The following ALOX5AP variants were observed in gnomAD, a reference collection of about 807,000 sequenced individuals.
ALOX5AP encodes the protein arachidonate 5-lipoxygenase-activating protein.
A neutral mutation model predicts 18.5 loss-of-function variants in ALOX5AP; 9 were observed. The ratio of observed to expected loss-of-function variants is 0.49; its 90% confidence interval spans 0.29 to 0.85. The LOEUF (loss-of-function observed/expected upper bound fraction) is 0.85. Among genes scored for constraint, ALOX5AP ranks in the 40% least tolerant of loss-of-function variants. The probability of loss-of-function intolerance (pLI) is 0.08; values close to 1 mark genes in which losing one functional copy is unlikely to be tolerated. For missense variants in ALOX5AP, 172 were observed against 202.5 expected, an observed-to-expected ratio of 0.85 and a Z score of 0.91; for synonymous variants, 81 against 78.6, an observed-to-expected ratio of 1.03 and a Z score of -0.16.
chr13:30,717,135 TC>T (rs1484565034), intron 1 of ALOX5AP, among the ~76,000 whole-genome samples: 1 of 152,030 alleles, frequency 6.6e-6, no homozygotes, highest in African/African-American at 2.4e-5. Flanking sequence ...TGACCCAATG[TC>T]CCCGGGCAAA....
upstream of ALOX5AP, among the ~76,000 whole-genome samples, chr13:30,732,122 C>T (rs1593431623): frequency 6.6e-6 from 1 of 152,250 alleles, no homozygotes; most frequent in African/African-American, 2.4e-5. Flanking sequence ...GGCCTCTGCA[C>T]GTGCTCTGCG....
intron 4 of ALOX5AP, among the ~76,000 whole-genome samples, chr13:30,759,283 G>C (rs897365589): frequency 6.6e-6 from 1 of 152,144 alleles, no homozygotes; most frequent in Non-Finnish European, 1.5e-5. Context: ...CCTGTCCTCT[G>C]TTGGGGCTCC....
At chr13:30,738,554 C>G (rs986951663) in intron 1 of ALOX5AP, among the ~76,000 whole-genome samples, 5 of 152,226 alleles carry the variant, frequency 3.3e-5, no homozygotes, top group African/African-American at 1.2e-4. Flanking sequence ...TTTAATTACA[C>G]AGACGCATTT....
intron 2 of ALOX5AP, 48 bp from the exon 3 acceptor site, chr13:30,752,004 A>G (rs761292818): frequency 4.5e-5 from 69 of 1,545,570 alleles, no homozygotes; most frequent in Admixed American, 2.7e-4. Context: ...ACCACATTGC[A>G]CTAACTTGGT....
intron 2 of ALOX5AP, 80 bp from the exon 3 acceptor site, chr13:30,751,972 T>A (rs1169188799): frequency 1.5e-6 from 2 of 1,338,696 alleles, no homozygotes; most frequent in Admixed American, 1.7e-5. Context: ...ATTATTAACT[T>A]CAACTTTCAG....
At chr13:30,753,724 G>T (rs1252728856) in intron 3 of ALOX5AP, among the ~76,000 whole-genome samples, 3 of 152,174 alleles carry the variant, frequency 2.0e-5, no homozygotes, top group Admixed American at 6.5e-5. Context: ...GTACCCTCCT[G>T]GTGCCAGCAG....
At chr13:30,720,436 A>G (rs1951585123) in intron 1 of ALOX5AP, among the ~76,000 whole-genome samples, 1 of 152,272 alleles carries the variant, frequency 6.6e-6, no homozygotes, top group Admixed American at 6.5e-5. Context: ...ACATTCAGGA[A>G]TGATAACAAA....
At chr13:30,728,458 T>G (rs1951655475) in intron 1 of ALOX5AP, among the ~76,000 whole-genome samples, 1 of 147,888 alleles carries the variant, frequency 6.8e-6, no homozygotes. Context: ...AAAATGTCTG[T>G]GTATATATAT....
chr13:30,727,331 A>G (rs1951646886), intron 1 of ALOX5AP, among the ~76,000 whole-genome samples: 1 of 151,836 alleles, frequency 6.6e-6, no homozygotes, highest in Non-Finnish European at 1.5e-5. Flanking sequence ...GGTGTGAGCC[A>G]CTGTGCACAG....
chr13:30,724,986 T>C (rs1951627937), intron 1 of ALOX5AP, among the ~76,000 whole-genome samples: 1 of 152,176 alleles, frequency 6.6e-6, no homozygotes. Flanking sequence ...AATTGGAGCA[T>C]AGTTTATAGT....
chr13:30,758,187 G>A (rs1951911719), intron 4 of ALOX5AP, among the ~76,000 whole-genome samples: 2 of 152,104 alleles, frequency 1.3e-5, no homozygotes, highest in Admixed American at 6.5e-5. Flanking sequence ...ACCAAAATAC[G>A]GCCTGATATA....
chr13:30,763,519 A>T (rs767817332), intron 4 of ALOX5AP, among the ~76,000 whole-genome samples: 1 of 152,156 alleles, frequency 6.6e-6, no homozygotes, highest in Non-Finnish European at 1.5e-5. Flanking sequence ...TTTAAACTTC[A>T]CTTCTAACAC....
intron 2 of ALOX5AP, among the ~76,000 whole-genome samples, chr13:30,745,708 G>A (rs944334364): frequency 1.4e-4 from 22 of 152,252 alleles, no homozygotes; most frequent in African/African-American, 5.3e-4. Flanking sequence ...GTCACTTGCT[G>A]TCAGCCTCTT....
intron 4 of ALOX5AP, among the ~76,000 whole-genome samples, chr13:30,760,801 GC>G (rs1437309730): frequency 6.6e-6 from 1 of 152,120 alleles, no homozygotes; most frequent in Non-Finnish European, 1.5e-5. Flanking sequence ...ACAATACCTG[GC>G]CCCGAAAGAT....
chr13:30,749,852 G>A (rs148032910), intron 2 of ALOX5AP, among the ~76,000 whole-genome samples: 7 of 152,262 alleles, frequency 4.6e-5, no homozygotes, highest in East Asian at 1.9e-4. Context: ...TTGGTGAGGC[G>A]CAGATAACCT....
intron 4 of ALOX5AP, among the ~76,000 whole-genome samples, chr13:30,762,391 C>A (rs577574896): frequency 1.7e-4 from 26 of 152,178 alleles, no homozygotes; most frequent in Admixed American, 3.3e-4. Flanking sequence ...GAGTTCGAGA[C>A]CAGCCTGGCC....
intron 1 of ALOX5AP, among the ~76,000 whole-genome samples, chr13:30,716,765 T>C (rs962722943): frequency 3.3e-5 from 5 of 152,184 alleles, no homozygotes; most frequent in Non-Finnish European, 5.9e-5. Flanking sequence ...GTTGTGATAA[T>C]TCGCTGGGAG....
chr13:30,717,690 C>A (rs1001400576), intron 1 of ALOX5AP, among the ~76,000 whole-genome samples: 2 of 152,192 alleles, frequency 1.3e-5, no homozygotes, highest in Non-Finnish European at 1.5e-5. Context: ...CCATGTGGAG[C>A]GGGGGTGCAC....
chr13:30,738,976 T>C (rs1238977228), intron 1 of ALOX5AP, among the ~76,000 whole-genome samples: 1 of 152,140 alleles, frequency 6.6e-6, no homozygotes, highest in Non-Finnish European at 1.5e-5. Context: ...AAGCACCGTA[T>C]TGGAAGACTT....
Sources: allele counts gnomAD v4.1 joint callset (sites outside exome capture counted in the v4.1 genomes callset), GRCh38; gene constraint gnomAD v4.1.1; transcripts MANE v1.5; gene names NCBI Gene and HGNC (gene_info 2026-07-23, HGNC 2026-07-21).